BEND4: variants seen among roughly 807,000 people sequenced by gnomAD.
BEND4 encodes the protein BEN domain containing 4, also known as BEN domain-containing protein 4.
BEND4 carries 27 observed loss-of-function variants against 54.7 expected under a neutral mutation model. The observed-to-expected ratio is 0.49, with a 90% CI of 0.36 to 0.68. BEND4 has a LOEUF of 0.68. Among genes scored for constraint, BEND4 ranks in the 30% least tolerant of loss-of-function variants. BEND4 has a pLI of 0.00. For synonymous variants in BEND4, 327 were observed against 299.5 expected (o/e 1.09, Z -0.95); for missense variants, 702 against 697.2 (o/e 1.01, Z -0.08).
At chr4:42,148,000 C>T (rs758947318) in intron 2 of BEND4, among the ~76,000 whole-genome samples, 13 of 152,110 alleles carry the variant, frequency 8.5e-5, no homozygotes, top group Admixed American at 3.3e-4. Context: ...TGATTTTAGC[C>T]CAGCGAAGGG....
rs1396573026 is a variant in BEND4 at position 42,111,671 on chromosome 4, T to C, written c.*5847A>G. The C allele has an allele frequency of 6.6e-6, 1 of 152,342 alleles. No individual in the cohort carries two copies. The highest frequency in any genetic ancestry group is 2.1e-4 in the South Asian group (1 of 4,832). The allele number at this position is 152,342 out of a possible 1,614,324, so 9.4% of individuals were successfully genotyped here. ...CACAACAGTTCTCACAGTGACATCA[T>C]AAATTAAAACTCTCTCTTCCAAACC... On this transcript the variant is annotated 3_prime_UTR_variant, in exon 6 of 6. Coordinates refer to ENST00000502486, the MANE Select transcript of BEND4 (RefSeq NM_207406.4).
At chr4:42,140,255 T>TAA (rs1169950824) in intron 3 of BEND4, among the ~76,000 whole-genome samples, 4 of 152,140 alleles carry the variant, frequency 2.6e-5, no homozygotes, top group Non-Finnish European at 4.4e-5. Flanking sequence ...AAGTGACACT[T>TAA]TAACCTGTTT....
In BEND4 at chr4:42,144,147, T is replaced by C. The variant is rs934010351; in HGVS notation, c.488-153A>G. The C allele has an allele frequency of 7.3e-6, 5 of 684,078 alleles. No individual in the cohort carries two copies. The Admixed American group carries it at 1.1e-4, about 16-fold the overall frequency. The allele number at this position is 684,078 out of a possible 1,614,324, so 42.4% of individuals were successfully genotyped here. A position where few individuals can be genotyped will look rare whatever the true frequency, so the allele number is the denominator to read the frequency against. ...GATGACACAATAAATCCACTGTGAA[T>C]AGAACGCATAGCTTCCTGTTGTTCT... On this transcript the variant is annotated intron_variant, in intron 2 of 5. Coordinates refer to ENST00000502486, the MANE Select transcript of BEND4 (RefSeq NM_207406.4).
At chr4:42,147,158 T>C (rs1312692888) in intron 2 of BEND4, among the ~76,000 whole-genome samples, 3 of 152,206 alleles carry the variant, frequency 2.0e-5, no homozygotes, top group South Asian at 2.1e-4. Context: ...AAAATGGCTA[T>C]TGTCACCCTT....
chr4:42,151,236 G>A (rs749038977), intron 2 of BEND4: 59 of 159,046 alleles, frequency 3.7e-4, no homozygotes, highest in Non-Finnish European at 6.5e-4. Context: ...AATGGAGGAA[G>A]AAGGAGAAAG....
chr4:42,135,440 C>T (rs1241541153), intron 3 of BEND4, among the ~76,000 whole-genome samples: 4 of 152,120 alleles, frequency 2.6e-5, no homozygotes, highest in Non-Finnish European at 5.9e-5. Flanking sequence ...CAGTAGGTAT[C>T]CCAACCATGC....
At chr4:42,140,305 A>G (rs1303949257) in intron 3 of BEND4, among the ~76,000 whole-genome samples, 1 of 152,190 alleles carries the variant, frequency 6.6e-6, no homozygotes, top group Non-Finnish European at 1.5e-5. Flanking sequence ...ACACGTAATA[A>G]GTAATCACAA....
rs1189344557 is a variant in BEND4, at chr4:42,112,383, G to A, written c.*5135C>T. On this transcript the variant is annotated 3_prime_UTR_variant, in exon 6 of 6. Coordinates refer to ENST00000502486, the MANE Select transcript of BEND4 (RefSeq NM_207406.4). ...TTACTACTGTTGTTGCAGTTAAGTG[G>A]TTCTGAACGGGCCCAAATAGTTTTC... The A allele has an allele frequency of 1.3e-5, 2 of 152,218 alleles. No homozygotes were observed. Among genetic ancestry groups the A allele is most frequent in the African/African-American group, 4.8e-5 (2 of 41,452 alleles). 9.4% of individuals were successfully genotyped at this position (152,218 alleles called of 1,614,324 possible).
At chr4:42,126,442 T>G (rs934755860) in intron 3 of BEND4, among the ~76,000 whole-genome samples, 1 of 152,228 alleles carries the variant, frequency 6.6e-6, no homozygotes, top group South Asian at 2.1e-4. Flanking sequence ...CAATTAGACT[T>G]GCTTCTCAAT....
Position 42,120,096 on chromosome 4 carries a change from C to T in BEND4, c.1345G>A (p.Glu449Lys), listed in dbSNP as rs751350514. The T allele has an allele frequency of 3.1e-6, 5 of 1,613,856 alleles. No individual in the cohort carries two copies. In the Admixed American group the frequency reaches 5.0e-5, roughly 16 times the overall value. ...RSVQSGETGPERRPLDPVKVT... is the reference protein window; with the variant it reads ...RSVQSGETGPKRRPLDPVKVT... ...TTAACTGGATCCAGAGGGCGTCTTTCGGGACCTGTCTCTCCTGACTGCACT... is the reference window on the plus strand; with the variant it reads ...TTAACTGGATCCAGAGGGCGTCTTTTGGGACCTGTCTCTCCTGACTGCACT... Residue 449 changes from glutamate (E) to lysine (K), a missense_variant, in exon 5 of 6, where the codon GAA becomes AAA. Transcript: ENST00000502486.
At position 42,151,679 on chromosome 4, in the gene BEND4, G is replaced by T. The variant is rs989400412; in HGVS notation, c.465C>A (p.Ser155Arg). Residue 155 changes from serine (S) to arginine (R), a missense_variant, in exon 2 of 6, where the codon AGC (serine) becomes AGA (arginine). By Grantham distance (110) the Ser-to-Arg change is moderately radical. Coordinates refer to ENST00000502486, the MANE Select transcript of BEND4 (RefSeq NM_207406.4). ...AAGTGGTGSD[S>R]ASLELSAESR... ...TACCTGCGCTGAGCTCCAGGCTGGC[G>T]CTGTCGCTACCCGTGCCGCCGGTGC... 40 of 1,505,096 alleles carry T rather than the reference G, an allele frequency of 2.7e-5. No homozygotes were observed. The African/African-American group carries it at 3.2e-4, about 12-fold the overall frequency. The allele number at this position is 1,505,096 out of a possible 1,614,324, so 93.2% of individuals were successfully genotyped here. A position where few individuals can be genotyped will look rare whatever the true frequency, so the allele number is the denominator to read the frequency against.
intron 3 of BEND4, among the ~76,000 whole-genome samples, chr4:42,129,437 T>C (rs768257390): frequency 5.3e-5 from 8 of 152,094 alleles, no homozygotes; most frequent in Non-Finnish European, 1.0e-4. Context: ...TTCAAATTCT[T>C]ATGGAACAAA....
intron 2 of BEND4, among the ~76,000 whole-genome samples, chr4:42,146,262 A>C (rs1721078168): frequency 6.6e-6 from 1 of 152,198 alleles, no homozygotes; most frequent in Non-Finnish European, 1.5e-5. Context: ...GGACCTCCAC[A>C]TATGTGTATG....
intron 2 of BEND4, among the ~76,000 whole-genome samples, chr4:42,150,772 G>A (rs891079547): frequency 6.6e-6 from 1 of 152,238 alleles, no homozygotes; most frequent in East Asian, 1.9e-4. Flanking sequence ...GCAGACTCGA[G>A]ATAAAGGAGA....
rs1454668608 is a variant in BEND4, at chr4:42,114,503, C to T, written c.*3015G>A. On this transcript the variant is annotated 3_prime_UTR_variant, in exon 6 of 6. Coordinates refer to ENST00000502486, the MANE Select transcript of BEND4 (RefSeq NM_207406.4). ...AGCTGTTTTAACTCAATCTATTTTACACTACCAATGCTAACATGACTCAAG... is the reference window on the plus strand; with the variant it reads ...AGCTGTTTTAACTCAATCTATTTTATACTACCAATGCTAACATGACTCAAG... 1 of 152,188 alleles carries T rather than the reference C, an allele frequency of 6.6e-6. No homozygotes were observed. The highest frequency in any genetic ancestry group is 2.4e-5 in the African/African-American group (1 of 41,452). 9.4% of individuals were successfully genotyped at this position (152,188 alleles called of 1,614,324 possible).
Position 42,151,720 on chromosome 4 carries a change from C to T in BEND4, c.424G>A (p.Ala142Thr). ...FAAVVRYGPG[A>T]AAAAGTGGTG... ...CCGCCGGTGCCGGCGGCCGCCGCCG[C>T]GCCTGGGCCATACCTGACGACAGCG... Residue 142 changes from alanine to threonine, a missense_variant, in exon 2 of 6, where the codon GCG becomes ACG. Ala to Thr is a moderately conservative substitution (Grantham distance 58). Coordinates refer to ENST00000502486, the MANE Select transcript of BEND4 (RefSeq NM_207406.4). The T allele has an allele frequency of 6.6e-7, 1 of 1,505,024 alleles. No homozygotes were observed. The highest frequency in any genetic ancestry group is 8.8e-7 in the Non-Finnish European group (1 of 1,131,850). The allele number at this position is 1,505,024 out of a possible 1,614,324, so 93.2% of individuals were successfully genotyped here.
chr4:42,120,625 A>G (rs1023075993), intron 4 of BEND4, among the ~76,000 whole-genome samples: 3 of 152,180 alleles, frequency 2.0e-5, no homozygotes, highest in African/African-American at 7.2e-5. Flanking sequence ...TTCCTTTTCA[A>G]TCTATTAAAA....
At position 42,143,689 on chromosome 4, in the gene BEND4, G is replaced by A. The variant is rs765527199; in HGVS notation, c.793C>T (p.Pro265Ser). 6.2e-7 allele frequency: 1 copy of A among 1,614,062 alleles called. No homozygotes were observed. The highest frequency in any genetic ancestry group is 8.5e-7 in the Non-Finnish European group (1 of 1,179,906). ...TATTCACTGGCTGACGAGGGGTTTG[G>A]AGTTGGAAAGCTTCCCGAGAGCAGG... ...NYLLSGSFPT[P>S]NPSSASEYGH... Residue 265 changes from proline to serine, a missense_variant, in exon 3 of 6, where the codon CCA becomes TCA. Coordinates refer to ENST00000502486, the MANE Select transcript of BEND4 (RefSeq NM_207406.4).
Position 42,117,436 on chromosome 4 carries a change from G to T in BEND4, c.*82C>A. 2 of 937,606 alleles carry T rather than the reference G, an allele frequency of 2.1e-6. No individual in the cohort carries two copies. Among genetic ancestry groups the T allele is most frequent in the South Asian group, 1.6e-5 (1 of 62,102 alleles). The allele number at this position is 937,606 out of a possible 1,614,324, so 58.1% of individuals were successfully genotyped here. A position where few individuals can be genotyped will look rare whatever the true frequency, so the allele number is the denominator to read the frequency against. On this transcript the variant is annotated 3_prime_UTR_variant, in exon 6 of 6. Coordinates refer to ENST00000502486, the MANE Select transcript of BEND4 (RefSeq NM_207406.4). ...AGACTATGGCAGAATGACAGGCTTT[G>T]GACTCTCAGGTGACAGGAACAGGAC...
Sources: allele counts gnomAD v4.1 joint callset (sites outside exome capture counted in the v4.1 genomes callset), GRCh38; gene constraint gnomAD v4.1.1; transcripts MANE v1.5; gene names NCBI Gene and HGNC (gene_info 2026-07-23, HGNC 2026-07-21).